The following MYH11 variants were observed in gnomAD, a reference collection of about 807,000 sequenced individuals.
MYH11 encodes the protein myosin-11.
A neutral mutation model predicts 246.6 loss-of-function variants in MYH11; 80 were observed. The observed-to-expected ratio is 0.32, with a 90% confidence interval of 0.27 to 0.39. The LOEUF is 0.39. Among genes scored for constraint, MYH11 ranks in the 10% least tolerant of loss-of-function variants. The pLI is 1.00. For missense variants in MYH11, 2,158 were observed against 2,546.8 expected (o/e 0.85, Z 3.29); for synonymous variants, 1,071 against 1,015.5 (o/e 1.05, Z -1.04).
rs1255151226 is a variant in MYH11, at chr16:15,718,380, C to G, written c.5230G>C (p.Glu1744Gln). The change falls in exon 37 of 41, where the codon GAG becomes CAG. Residue 1744 changes from glutamate to glutamine, a missense_variant. Coordinates refer to ENST00000300036, the MANE Select transcript of MYH11 (RefSeq NM_002474.3). ...ATGTTGCCCTGCTCCTCCTCCAGCT[C>G]CTCCTCCAGCTGGGCGATCCGGGCC... is the stretch of plus-strand genomic sequence containing the variant. ...LEARIAQLEE[E>Q]LEEEQGNMEA... 9 of 1,605,460 alleles carry G rather than the reference C, an allele frequency of 5.6e-6. No homozygotes were observed. The highest frequency in any genetic ancestry group is 2.2e-5 in the South Asian group (2 of 90,392).
intron 4 of MYH11, among the ~76,000 whole-genome samples, chr16:15,789,714 G>C (rs1386800378): frequency 1.3e-5 from 2 of 152,162 alleles, no homozygotes; most frequent in African/African-American, 4.8e-5. Context: ...ACTTCAATCA[G>C]GCTAACGTCA....
intron 1 of MYH11, among the ~76,000 whole-genome samples, chr16:15,851,629 A>G (rs1404438856): frequency 6.6e-6 from 1 of 150,898 alleles, no homozygotes; most frequent in Non-Finnish European, 1.5e-5. Flanking sequence ...ACATCCCCCC[A>G]CCTCCCAAGG....
chr16:15,741,144 CT>C, intron 22 of MYH11: 1 of 503,018 alleles, frequency 2.0e-6, no homozygotes, highest in Admixed American at 3.2e-5. Context: ...CTATGCAATA[CT>C]TTTTATTTTT....
At chr16:15,709,598 A>C (rs948279800) in intron 40 of MYH11, among the ~76,000 whole-genome samples, 2 of 152,188 alleles carry the variant, frequency 1.3e-5, no homozygotes, top group African/African-American at 4.8e-5. Flanking sequence ...TACAGGTGTG[A>C]GCCACTGCAC....
At chr16:15,779,665 C>T (rs1246681299) in intron 6 of MYH11, among the ~76,000 whole-genome samples, 2 of 152,170 alleles carry the variant, frequency 1.3e-5, no homozygotes, top group Non-Finnish European at 2.9e-5. Flanking sequence ...ATGCATTGGC[C>T]ACACTGCCCA....
chr16:15,774,039 G>A (rs1483023229), intron 8 of MYH11, among the ~76,000 whole-genome samples: 3 of 152,174 alleles, frequency 2.0e-5, no homozygotes, highest in African/African-American at 7.2e-5. Context: ...CTTTTGGAGA[G>A]ACGTCAGCAA....
chr16:15,710,528 TAATAAA>T (rs2151178762), intron 40 of MYH11, among the ~76,000 whole-genome samples: 1 of 150,978 alleles, frequency 6.6e-6, no homozygotes, highest in East Asian at 2.0e-4. Context: ...TAAAAATAAA[TAATAAA>T]AAGAAAAGAA....
In MYH11 at chr16:15,745,250, G is replaced by A. The variant is rs535996972; in HGVS notation, c.2412-13C>T. ...CTTGGCAAAAGCCCTAGGGAGGGGG[G>A]AAGAGAAGGTGCGGGGGTCATGAAG... On this transcript the variant is annotated splice_polypyrimidine_tract_variant and intron_variant, in intron 19 of 40. Transcript: ENST00000300036. 8 of 1,603,210 alleles carry A rather than the reference G, an allele frequency of 5.0e-6. No individual in the cohort carries two copies. Among genetic ancestry groups the A allele is most frequent in the African/African-American group, 1.3e-5 (1 of 74,812 alleles).
intron 27 of MYH11, 102 bp from the exon 28 acceptor site, chr16:15,727,156 C>A: frequency 3.1e-6 from 3 of 973,078 alleles, no homozygotes; most frequent in East Asian, 2.4e-5. Context: ...GGAAGGCACA[C>A]AACAGGGGGC....
rs1193273261 is a variant in MYH11, at chr16:15,837,992, C to G, written c.261G>C (p.Val87=). 3 of 1,614,196 alleles carry G rather than the reference C, an allele frequency of 1.9e-6. No individual in the cohort carries two copies. The East Asian group carries it at 6.7e-5, about 36-fold the overall frequency. Residue 87 remains valine, a synonymous_variant, in exon 2 of 41, where the codon GTG becomes GTC. Coordinates refer to ENST00000300036, the MANE Select transcript of MYH11 (RefSeq NM_002474.3). The stretch of plus-strand genomic sequence containing the variant: ...GGCACGTCAGCTCCGCCATGTCCTC[C>G]ACCTTGGAGAACTTGGGTGGGTTCA... The part of the protein sequence containing the change: ...QKMNPPKFSK[V]EDMAELTCLN...
chr16:15,721,755 T>G, intron 31 of MYH11, 121 bp from the exon 32 acceptor site: 3 of 1,003,364 alleles, frequency 3.0e-6, no homozygotes, highest in Non-Finnish European at 4.6e-6. Flanking sequence ...GTAAGCAGTG[T>G]AGGTTAGCTA....
Position 15,741,762 on chromosome 16 carries a change from G to C in MYH11, c.2650C>G (p.Gln884Glu). 1 of 1,614,166 alleles carries C rather than the reference G, an allele frequency of 6.2e-7. No individual in the cohort carries two copies. Among genetic ancestry groups the C allele is most frequent in the South Asian group, 1.1e-5 (1 of 91,074 alleles). ...CAGCCATGCATCCATACAGGTACCT[G>C]CGAGTGCTTCTGTTCCAGCTCCTTA... Reference protein sequence around the residue: ...ELKELEQKHSQLTEEKNLLQE... With the variant: ...ELKELEQKHSELTEEKNLLQE... The change falls in exon 21 of 41, where the codon CAG becomes GAG. Residue 884 changes from glutamine (Q) to glutamate (E), a missense_variant and splice_region_variant. Coordinates refer to ENST00000300036, the MANE Select transcript of MYH11 (RefSeq NM_002474.3).
chr16:15,705,772 G>C (rs11862637), intron 40 of MYH11, among the ~76,000 whole-genome samples: 22,775 of 151,636 alleles, frequency 0.15, 3,606 homozygotes, highest in African/African-American at 0.4. Context: ...ATGAGGTCAG[G>C]AGATCGAGAC....
chr16:15,782,808 G>GC, intron 5 of MYH11: 2 of 357,368 alleles, frequency 5.6e-6, no homozygotes, highest in Non-Finnish European at 1.1e-5. Context: ...GATGAATGGT[G>GC]CCCCCCGGAG....
At chr16:15,791,456 C>A (rs1413389749) in intron 4 of MYH11, 1 of 152,170 alleles carries the variant, frequency 6.6e-6, no homozygotes, top group Non-Finnish European at 1.5e-5. Context: ...ACAACTCCTA[C>A]ACGTCCTGCA....
At chr16:15,721,352 T>G in intron 32 of MYH11, 70 bp downstream of exon 32, 3 of 1,525,188 alleles carry the variant, frequency 2.0e-6, no homozygotes, top group Non-Finnish European at 2.7e-6. Context: ...TAGCCTCGCA[T>G]GGACTGGTGA....
intron 4 of MYH11, among the ~76,000 whole-genome samples, chr16:15,790,350 A>AC (rs1481184684): frequency 1.3e-5 from 2 of 151,814 alleles, no homozygotes; most frequent in Admixed American, 6.6e-5. Context: ...AAAAAAAAAA[A>AC]CAAAGACATC....
At chr16:15,828,475 C>T (rs1814686988) in intron 2 of MYH11, among the ~76,000 whole-genome samples, 1 of 152,124 alleles carries the variant, frequency 6.6e-6, no homozygotes, top group Non-Finnish European at 1.5e-5. Context: ...GTGACCCACA[C>T]ACTACTGTAT....
chr16:15,735,497 C>G lies in MYH11; in HGVS notation c.3375G>C (p.Glu1125Asp), dbSNP rs779019646. 2.8e-5 allele frequency: 45 copies of G among 1,614,050 alleles called. No individual in the cohort carries two copies. In the Admixed American group the frequency reaches 3.2e-4, roughly 11 times the overall value. ...TGGCGGCCCGCTCTGAGTCCAGGTC[C>G]TCCTGGAGGTCTGAGATGTGGCCCT... ...ELEGHISDLQ[E>D]DLDSERAARN... The change falls in exon 26 of 41, where the codon GAG (glutamate) becomes GAC (aspartate). Residue 1125 changes from glutamate to aspartate, a missense_variant. This residue lies in a region of MYH11 where 284 missense variants were observed against 315.4 expected (regional missense o/e 0.90). Coordinates refer to ENST00000300036, the MANE Select transcript of MYH11 (RefSeq NM_002474.3).
Sources: gnomAD v4.1 joint callset for allele counts (sites outside exome capture counted in the v4.1 genomes callset) on GRCh38, gnomAD v4.1.1 for gene constraint, gnomAD v4.1.1 regional missense constraint, MANE v1.5 for transcripts, NCBI Gene and HGNC (gene_info 2026-07-23, HGNC 2026-07-21) for gene names.